Variants in FOSL1 observed in about 807,000 individuals in gnomAD.
FOSL1 encodes the protein FOS like 1, AP-1 transcription factor subunit, also known as fos-related antigen 1.
A neutral mutation model predicts 24.9 loss-of-function variants in FOSL1; 14 were observed. The ratio of observed to expected loss-of-function variants is 0.56; its 90% CI spans 0.37 to 0.88. The LOEUF (loss-of-function observed/expected upper bound fraction) is 0.88. FOSL1 is among the 40% of genes least tolerant of loss of function. The pLI, the probability that FOSL1 is intolerant of heterozygous loss-of-function variation, is 0.00. For synonymous variants in FOSL1, 133 were observed against 145.1 expected (o/e 0.92, Z 0.60); for missense variants, 318 against 359.8 (o/e 0.88, Z 0.94).
At chr11:65,900,043 G>T (rs949435847) in intron 1 of FOSL1, among the ~76,000 whole-genome samples, 198 bp downstream of exon 1, 5 of 152,174 alleles carry the variant, frequency 3.3e-5, no homozygotes, top group African/African-American at 1.2e-4. Flanking sequence ...GCTGGGAGAA[G>T]GGGAGTTCGC....
chr11:65,896,108 C>T (rs921937152), intron 2 of FOSL1, among the ~76,000 whole-genome samples: 2 of 152,124 alleles, frequency 1.3e-5, no homozygotes, highest in Admixed American at 1.3e-4. Context: ...TCAAGTGATC[C>T]TCCTGCCTAG....
intron 1 of FOSL1, among the ~76,000 whole-genome samples, chr11:65,898,058 TGAGACACA>T (rs1565290186): frequency 2.8e-5 from 4 of 144,414 alleles, no homozygotes; most frequent in Non-Finnish European, 1.5e-5. Context: ...TTTTTTTTTT[TGAGACACA>T]GTCTTGCTTT....
At chr11:65,893,627 C>T (rs1860451424) in intron 3 of FOSL1, among the ~76,000 whole-genome samples, 1 of 152,164 alleles carries the variant, frequency 6.6e-6, no homozygotes, top group South Asian at 2.1e-4. Context: ...CCCGTCTCTA[C>T]TAAAAATACA....
At position 65,892,608 on chromosome 11, in the gene FOSL1, C is replaced by T; in HGVS notation, c.*278G>A. The T allele has an allele frequency of 1.6e-6, 1 of 633,450 alleles. No homozygotes were observed. 39.2% of individuals were successfully genotyped at this position (633,450 alleles called of 1,614,324 possible). A position where few individuals can be genotyped will look rare whatever the true frequency, so the allele number is the denominator to read the frequency against. On this transcript the variant is annotated 3_prime_UTR_variant, in exon 4 of 4. Coordinates refer to ENST00000312562, the MANE Select transcript of FOSL1 (RefSeq NM_005438.5). The stretch of plus-strand genomic sequence containing the variant: ...GGACCTCTAAGGATCTACAAAGTCT[C>T]TGGGCTGCCAGGATTCCTCTGGCAC...
chr11:65,896,773 C>T (rs763900378), intron 2 of FOSL1, 36 bp downstream of exon 2: 14 of 1,523,318 alleles, frequency 9.2e-6, no homozygotes, highest in Admixed American at 3.8e-5. Flanking sequence ...CACTCCTGGG[C>T]GGGGTCGGAA....
At chr11:65,893,327 G>GCTC (rs757126452) in intron 3 of FOSL1, 31 bp from the exon 4 acceptor site, 9 of 1,564,584 alleles carry the variant, frequency 5.8e-6, no homozygotes, top group Non-Finnish European at 7.8e-6. Context: ...AGTCAGAAAG[G>GCTC]TGAGGGCTGA....
At chr11:65,898,619 T>C (rs1357782695) in intron 1 of FOSL1, among the ~76,000 whole-genome samples, 1 of 152,190 alleles carries the variant, frequency 6.6e-6, no homozygotes, top group African/African-American at 2.4e-5. Context: ...ATTTCACTGA[T>C]GTTAAGAAGT....
chr11:65,897,403 G>C (rs1460400593), intron 1 of FOSL1, among the ~76,000 whole-genome samples: 1 of 148,870 alleles, frequency 6.7e-6, no homozygotes, highest in African/African-American at 2.5e-5. Flanking sequence ...GTAGTGGCAC[G>C]ATCTCAGCTC....
At position 65,900,324 on chromosome 11, in the gene FOSL1, C is replaced by T. The variant is rs1318022033; in HGVS notation, c.16G>A (p.Gly6Arg). Residue 6 changes from glycine to arginine, a missense_variant, in exon 1 of 4, where the codon GGG (glycine) becomes AGG (arginine). Coordinates refer to ENST00000312562, the MANE Select transcript of FOSL1 (RefSeq NM_005438.5). ...TTCCCGGAGCTCGGGCCGGGTTCCC[C>T]GAAGTCTCGGAACATGCCCGGGGCT... MFRDF[G>R]EPGPSSGNGG... 2.4e-6 allele frequency: 3 copies of T among 1,243,018 alleles called. No individual in the cohort carries two copies. Among genetic ancestry groups the T allele is most frequent in the African/African-American group, 3.1e-5 (2 of 64,592 alleles). 77.0% of individuals were successfully genotyped at this position (1,243,018 alleles called of 1,614,324 possible). A position where few individuals can be genotyped will look rare whatever the true frequency, so the allele number is the denominator to read the frequency against.
chr11:65,893,912 C>T (rs768522638), intron 3 of FOSL1, 102 bp downstream of exon 3: 3 of 788,100 alleles, frequency 3.8e-6, no homozygotes, highest in Non-Finnish European at 6.5e-6. Flanking sequence ...GCCCCTCAGA[C>T]AAGGAGCTAG....
Position 65,892,393 on chromosome 11 carries a change from G to GC in FOSL1, c.*492dup, listed in dbSNP as rs1211555501. ...CACAGAAGCCAAGGGCGCCTCCTGA[G>GC]CTGTGCGGTTCAGGAGGGGGCGGCA... is the stretch of plus-strand genomic sequence containing the variant. On this transcript the variant is annotated 3_prime_UTR_variant, in exon 4 of 4. Coordinates refer to ENST00000312562, the MANE Select transcript of FOSL1 (RefSeq NM_005438.5). 4 of 351,042 alleles carry GC rather than the reference G, an allele frequency of 1.1e-5. No individual in the cohort carries two copies. Among genetic ancestry groups the GC allele is most frequent in the Non-Finnish European group, 2.3e-5 (4 of 177,502 alleles). 21.7% of individuals were successfully genotyped at this position (351,042 alleles called of 1,614,324 possible).
In FOSL1 at chr11:65,893,190, A is replaced by G; in HGVS notation, c.512T>C (p.Ile171Thr). The change falls in exon 4 of 4, where the codon ATC becomes ACC. Residue 171 changes from isoleucine (I) to threonine (T), a missense_variant. By Grantham distance (89) the Ile-to-Thr change is moderately conservative. Coordinates refer to ENST00000312562, the MANE Select transcript of FOSL1 (RefSeq NM_005438.5). ...LELVLEAHRPICKIPEGAKEG... is the reference protein window; with the variant it reads ...LELVLEAHRPTCKIPEGAKEG... Reference sequence around the variant, plus strand: ...CTTGGCTCCTTCCGGGATTTTGCAGATGGGTCGGTGGGCTTCCAGCACCAG... The same window carrying G: ...CTTGGCTCCTTCCGGGATTTTGCAGGTGGGTCGGTGGGCTTCCAGCACCAG... 1 of 1,613,888 alleles carries G rather than the reference A, an allele frequency of 6.2e-7. No individual in the cohort carries two copies. Among genetic ancestry groups the G allele is most frequent in the Non-Finnish European group, 8.5e-7 (1 of 1,179,974 alleles).
At chr11:65,896,544 T>G (rs1430617531) in intron 2 of FOSL1, among the ~76,000 whole-genome samples, 1 of 152,090 alleles carries the variant, frequency 6.6e-6, no homozygotes, top group East Asian at 1.9e-4. Flanking sequence ...GGAATGTCCT[T>G]TCCTTCCTCT....
intron 1 of FOSL1, among the ~76,000 whole-genome samples, chr11:65,899,055 T>G (rs1860604396): frequency 6.6e-6 from 1 of 151,936 alleles, no homozygotes; most frequent in Non-Finnish European, 1.5e-5. Context: ...GGTCTTCGAT[T>G]CCGTGAAATA....
In FOSL1 at chr11:65,892,353, C is replaced by T. The variant is rs1036688049; in HGVS notation, c.*533G>A. The T allele has an allele frequency of 5.6e-5, 16 of 286,878 alleles. No individual in the cohort carries two copies. Among genetic ancestry groups the T allele is most frequent in the Non-Finnish European group, 7.0e-6 (1 of 143,688 alleles). 17.8% of individuals were successfully genotyped at this position (286,878 alleles called of 1,614,324 possible). On this transcript the variant is annotated 3_prime_UTR_variant, in exon 4 of 4. Transcript: ENST00000312562. ...CTGAAGGCTTCTCAAAGCTGAGATC[C>T]GCAGATCAGCTCATCACAGAAGCCA...
chr11:65,898,979 A>AAAG (rs1555049280), intron 1 of FOSL1, among the ~76,000 whole-genome samples: 18 of 12,140 alleles, frequency 1.5e-3, no homozygotes, highest in African/African-American at 1.7e-3. Context: ...AAAAAAAAAG[A>AAAG]AAAGAAAGAG....
chr11:65,892,764 A>G lies in FOSL1; in HGVS notation c.*122T>C. The G allele has an allele frequency of 2.2e-6, 2 of 927,374 alleles. No homozygotes were observed. Among genetic ancestry groups the G allele is most frequent in the East Asian group, 2.5e-5 (1 of 40,738 alleles). 57.4% of individuals were successfully genotyped at this position (927,374 alleles called of 1,614,324 possible). Reference sequence around the variant, plus strand: ...AGCACAATATGGTCAGTCTCATTAGAGGGATGGAGAAGAAGTTGCTGGAGT... The same window carrying G: ...AGCACAATATGGTCAGTCTCATTAGGGGGATGGAGAAGAAGTTGCTGGAGT... On this transcript the variant is annotated 3_prime_UTR_variant, in exon 4 of 4. Coordinates refer to ENST00000312562, the MANE Select transcript of FOSL1 (RefSeq NM_005438.5).
In FOSL1 at chr11:65,896,798, C is replaced by G; in HGVS notation, c.297+11G>C. 1 of 1,585,714 alleles carries G rather than the reference C, an allele frequency of 6.3e-7. No homozygotes were observed. Among genetic ancestry groups the G allele is most frequent in the Non-Finnish European group, 8.6e-7 (1 of 1,163,658 alleles). ...CGGGGTCGGAACCACTGCAATGCCT[C>G]TGTGCCTTACCTGTTCACAAGGCCT... is the stretch of plus-strand genomic sequence containing the variant. On this transcript the variant is annotated intron_variant, in intron 2 of 3. Transcript: ENST00000312562.
intron 3 of FOSL1, 124 bp from the exon 4 acceptor site, chr11:65,893,420 C>A: frequency 1.4e-6 from 1 of 715,870 alleles, no homozygotes; most frequent in Non-Finnish European, 2.3e-6. Flanking sequence ...AGTGGAGAGT[C>A]CCCAGCAAGT....
Sources: allele counts gnomAD v4.1 joint callset (sites outside exome capture counted in the v4.1 genomes callset), GRCh38; gene constraint gnomAD v4.1.1; transcripts MANE v1.5; gene names NCBI Gene and HGNC (gene_info 2026-07-23, HGNC 2026-07-21).